PPARGC1A: variants seen among roughly 807,000 people sequenced by gnomAD.
PPARGC1A encodes PPARG coactivator 1 alpha, also known as peroxisome proliferator-activated receptor gamma coactivator 1-alpha.
In PPARGC1A, 25 loss-of-function variants were observed where a neutral mutation model predicts 88.7. The ratio of observed to expected loss-of-function variants is 0.28; its 90% CI spans 0.21 to 0.39. PPARGC1A has a LOEUF of 0.39. Ranked by LOEUF, PPARGC1A falls within the 10% of genes least tolerant of loss-of-function variation. PPARGC1A has a pLI of 1.00. For synonymous variants in PPARGC1A, 363 were observed against 355.6 expected (o/e 1.02, Z -0.24); for missense variants, 880 against 968.7 (o/e 0.91, Z 1.22).
chr4:24,437,602 TG>T, the PPARGC1A span, among the ~76,000 whole-genome samples: 3 of 111,146 alleles, frequency 2.7e-5, no homozygotes, highest in Admixed American at 8.1e-5. Flanking sequence ...TTTTTGTTGT[TG>T]TTGTTGTTGT....
chr4:24,180,786 A>C, the PPARGC1A span, among the ~76,000 whole-genome samples: 3 of 152,158 alleles, frequency 2.0e-5, no homozygotes, highest in Non-Finnish European at 4.4e-5. Context: ...CATCCATGTG[A>C]ACTAGTCATT....
At chr4:23,958,853 C>T in the PPARGC1A span, among the ~76,000 whole-genome samples, 5 of 151,940 alleles carry the variant, frequency 3.3e-5, no homozygotes, top group East Asian at 9.7e-4. Context: ...GCAATATATT[C>T]GAATAGAATA....
the PPARGC1A span, among the ~76,000 whole-genome samples, chr4:24,193,052 T>C: frequency 1.2e-4 from 19 of 152,360 alleles, no homozygotes; most frequent in African/African-American, 4.3e-4. Context: ...ACTGAGTCTA[T>C]AAATGCAAAT....
chr4:24,454,223 C>T, the PPARGC1A span, among the ~76,000 whole-genome samples: 1 of 151,008 alleles, frequency 6.6e-6, no homozygotes, highest in African/African-American at 2.4e-5. Flanking sequence ...AAGCAGAAGA[C>T]CCACCCAGCT....
chr4:24,252,692 CCT>C, the PPARGC1A span, among the ~76,000 whole-genome samples: 125 of 152,312 alleles, frequency 8.2e-4, 2 homozygotes, highest in African/African-American at 2.5e-3. Flanking sequence ...ATCTCCACCC[CCT>C]GTGATGGCCC....
the PPARGC1A span, among the ~76,000 whole-genome samples, chr4:24,350,779 C>G: frequency 2.0e-5 from 3 of 151,942 alleles, no homozygotes; most frequent in African/African-American, 4.8e-5. Context: ...ATTATAAAAG[C>G]CTAATGGAAA....
the PPARGC1A span, among the ~76,000 whole-genome samples, chr4:24,165,766 G>C: frequency 3.5e-4 from 54 of 152,158 alleles, no homozygotes; most frequent in South Asian, 1.0e-3. Flanking sequence ...ATCAATAAAC[G>C]TGTGTGTTCT....
At chr4:24,464,722 C>G in the PPARGC1A span, among the ~76,000 whole-genome samples, 1 of 152,168 alleles carries the variant, frequency 6.6e-6, no homozygotes, top group Non-Finnish European at 1.5e-5. Flanking sequence ...GTGCACACTA[C>G]AGAGGGGAAG....
At chr4:23,925,988 C>T in the PPARGC1A span, among the ~76,000 whole-genome samples, 1 of 152,296 alleles carries the variant, frequency 6.6e-6, no homozygotes, top group African/African-American at 2.4e-5. Context: ...CTACCCGACC[C>T]TCTTAAATGT....
the PPARGC1A span, among the ~76,000 whole-genome samples, chr4:24,269,930 ATAAT>A: frequency 6.6e-6 from 1 of 152,186 alleles, no homozygotes; most frequent in African/African-American, 2.4e-5. Flanking sequence ...AATACATGTA[ATAAT>A]TAATTTTGAG....
At chr4:23,870,883 G>C (rs1332456560) in intron 2 of PPARGC1A, among the ~76,000 whole-genome samples, 1 of 149,820 alleles carries the variant, frequency 6.7e-6, no homozygotes, top group African/African-American at 2.4e-5. Flanking sequence ...AACTATAAAA[G>C]ATGTAGCTGG....
At chr4:24,424,472 T>C in the PPARGC1A span, among the ~76,000 whole-genome samples, 1 of 151,984 alleles carries the variant, frequency 6.6e-6, no homozygotes, top group Non-Finnish European at 1.5e-5. Flanking sequence ...AGACGGGGTT[T>C]CACCGTGTTA....
chr4:24,049,176 G>A, the PPARGC1A span, among the ~76,000 whole-genome samples: 4 of 149,306 alleles, frequency 2.7e-5, no homozygotes, highest in African/African-American at 9.9e-5. Context: ...GGGAGAAAGA[G>A]AGAGACTGTC....
chr4:24,111,474 A>G, the PPARGC1A span, among the ~76,000 whole-genome samples: 1 of 152,194 alleles, frequency 6.6e-6, no homozygotes, highest in Admixed American at 6.5e-5. Context: ...TTGCTACCAG[A>G]TTGTTAATAA....
the PPARGC1A span, among the ~76,000 whole-genome samples, chr4:24,387,926 G>GAAAGAA: frequency 1.9e-4 from 3 of 15,954 alleles, no homozygotes; most frequent in African/African-American, 2.5e-4. Context: ...AAGAAAGAAA[G>GAAAGAA]AAAGAAAGAG....
chr4:24,149,411 T>TAA, the PPARGC1A span, among the ~76,000 whole-genome samples: 3 of 147,468 alleles, frequency 2.0e-5, no homozygotes, highest in South Asian at 2.1e-4. Context: ...ATCTTCTAAT[T>TAA]AAAAAAAAAA....
At chr4:24,330,106 T>G in the PPARGC1A span, among the ~76,000 whole-genome samples, 1 of 152,168 alleles carries the variant, frequency 6.6e-6, no homozygotes. Flanking sequence ...TCTATTTTGA[T>G]CCTCACTGCA....
chr4:24,008,828 C>T, the PPARGC1A span, among the ~76,000 whole-genome samples: 271 of 152,246 alleles, frequency 1.8e-3, 2 homozygotes, highest in Admixed American at 0.015. Context: ...GGCATCTGAT[C>T]ACACAGTTGT....
the PPARGC1A span, among the ~76,000 whole-genome samples, chr4:24,315,991 G>A: frequency 6.6e-5 from 10 of 152,256 alleles, no homozygotes; most frequent in African/African-American, 2.4e-4. Context: ...AGTCCAACAT[G>A]CACCCAATGC....
Sources: allele counts gnomAD v4.1 joint callset (sites outside exome capture counted in the v4.1 genomes callset), GRCh38; gene constraint gnomAD v4.1.1; transcripts MANE v1.5; gene names NCBI Gene and HGNC (gene_info 2026-07-23, HGNC 2026-07-21).